Variants in BRWD1 observed in about 807,000 individuals in gnomAD.
BRWD1 encodes bromodomain and WD repeat-containing protein 1.
A neutral mutation model predicts 251.2 loss-of-function variants in BRWD1; 82 were observed. The ratio of observed to expected loss-of-function variants is 0.33; its 90% CI spans 0.27 to 0.39. The LOEUF (loss-of-function observed/expected upper bound fraction) is 0.39, where lower values mean the gene tolerates loss of function less well. Ranked by LOEUF, BRWD1 falls within the 10% of genes least tolerant of loss-of-function variation. The pLI is 1.00. For missense variants in BRWD1, 2,233 were observed against 2,711.6 expected (o/e 0.82, Z 3.92); for synonymous variants, 918 against 902.8 (o/e 1.02, Z -0.30).
chr21:39,208,988 A>AG (rs958630485), intron 36 of BRWD1, among the ~76,000 whole-genome samples: 5 of 151,840 alleles, frequency 3.3e-5, no homozygotes, highest in Admixed American at 1.3e-4. Context: ...CAAAAAAAAA[A>AG]AAAGAAAGAA....
chr21:39,249,919 T>G (rs1215372489), intron 20 of BRWD1, among the ~76,000 whole-genome samples: 3 of 23,220 alleles, frequency 1.3e-4, no homozygotes, highest in African/African-American at 3.0e-4. Flanking sequence ...AAGGGGGGTG[T>G]GTGTGTGTGT....
intron 4 of BRWD1, among the ~76,000 whole-genome samples, chr21:39,308,530 C>A (rs1441266590): frequency 3.3e-5 from 5 of 149,938 alleles, no homozygotes; most frequent in Non-Finnish European, 7.4e-5. Flanking sequence ...CTCTTGCCCC[C>A]AAATACAGGT....
chr21:39,245,719 C>T (rs1310731605), intron 21 of BRWD1, among the ~76,000 whole-genome samples: 1 of 151,944 alleles, frequency 6.6e-6, no homozygotes, highest in African/African-American at 2.4e-5. Context: ...CCTGCCTCAG[C>T]CTCCCAAATA....
At chr21:39,269,634 T>C (rs2035039175) in intron 15 of BRWD1, among the ~76,000 whole-genome samples, 2 of 152,216 alleles carry the variant, frequency 1.3e-5, no homozygotes, top group South Asian at 4.1e-4. Context: ...ACAATTGCCA[T>C]ACTTTTACCA....
chr21:39,193,502 G>A lies in BRWD1; in HGVS notation c.*2757C>T, dbSNP rs1459042334. On this transcript the variant is annotated 3_prime_UTR_variant, in exon 41 of 41. Transcript: ENST00000342449. ...ATTTTTCCTTTATATGCTTGGTAAAGTGAGTCTTTCCAAGAAAGCAAAAAT... is the reference window on the plus strand; with the variant it reads ...ATTTTTCCTTTATATGCTTGGTAAAATGAGTCTTTCCAAGAAAGCAAAAAT... 1 of 985,108 alleles carries A rather than the reference G, an allele frequency of 1.0e-6. No homozygotes were observed. The highest frequency in any genetic ancestry group is 1.7e-5 in the African/African-American group (1 of 57,178). 61.0% of individuals were successfully genotyped at this position (985,108 alleles called of 1,614,324 possible). A position where few individuals can be genotyped will look rare whatever the true frequency, so the allele number is the denominator to read the frequency against.
At chr21:39,287,218 C>T (rs1423907976) in intron 8 of BRWD1, among the ~76,000 whole-genome samples, 1 of 152,138 alleles carries the variant, frequency 6.6e-6, no homozygotes, top group African/African-American at 2.4e-5. Flanking sequence ...TTTTTCTCTC[C>T]TAAATCTAGA....
In BRWD1 at chr21:39,190,226, TAG is replaced by T; in HGVS notation, c.*6031_*6032del. 2 of 947,576 alleles carry T rather than the reference TAG, an allele frequency of 2.1e-6. No homozygotes were observed. The highest frequency in any genetic ancestry group is 1.2e-6 in the Non-Finnish European group (1 of 814,420). The allele number at this position is 947,576 out of a possible 1,614,324, so 58.7% of individuals were successfully genotyped here. On this transcript the variant is annotated 3_prime_UTR_variant, in exon 41 of 41. Transcript: ENST00000342449. Reference sequence around the variant, plus strand: ...TTTCAAGGATTAATCATATTCTAATTAGACTTTTTTTTAATTTTTAAGCTACC... The same window carrying T: ...TTTCAAGGATTAATCATATTCTAATTACTTTTTTTTAATTTTTAAGCTACC...
chr21:39,193,266 T>C lies in BRWD1; in HGVS notation c.*2993A>G, dbSNP rs2031647796. 1 of 985,036 alleles carries C rather than the reference T, an allele frequency of 1.0e-6. No homozygotes were observed. The allele number at this position is 985,036 out of a possible 1,614,324, so 61.0% of individuals were successfully genotyped here. ...GCTGTGAGTAACTGCTATATCATTGTTTCCAAGGATTAATAAACTGAGAAA... is the reference window on the plus strand; with the variant it reads ...GCTGTGAGTAACTGCTATATCATTGCTTCCAAGGATTAATAAACTGAGAAA... On this transcript the variant is annotated 3_prime_UTR_variant, in exon 41 of 41. Coordinates refer to ENST00000342449, the MANE Select transcript of BRWD1 (RefSeq NM_033656.4).
intron 16 of BRWD1, 39 bp from the exon 17 acceptor site, chr21:39,264,724 C>T (rs780702885): frequency 2.0e-6 from 3 of 1,521,440 alleles, no homozygotes; most frequent in Middle Eastern, 2.1e-4. Context: ...TTTTAAGGTT[C>T]ACACATTTTA....
rs1051154110 is a variant in BRWD1 at position 39,218,326 on chromosome 21, G to A, written c.3539-54C>T. 5 of 1,548,150 alleles carry A rather than the reference G, an allele frequency of 3.2e-6. No homozygotes were observed. The African/African-American group carries it at 4.2e-5, about 13-fold the overall frequency. ...TCAATAAATCCATTGCCTCTAAGTGGTACTTCTCTAGAAATCATTCATAAG... is the reference window on the plus strand; with the variant it reads ...TCAATAAATCCATTGCCTCTAAGTGATACTTCTCTAGAAATCATTCATAAG... On this transcript the variant is annotated intron_variant, in intron 30 of 40. Coordinates refer to ENST00000342449, the MANE Select transcript of BRWD1 (RefSeq NM_033656.4).
At chr21:39,285,240 CTG>C (rs2035595440) in intron 8 of BRWD1, among the ~76,000 whole-genome samples, 1 of 152,184 alleles carries the variant, frequency 6.6e-6, no homozygotes, top group Non-Finnish European at 1.5e-5. Flanking sequence ...AAGGCAAACA[CTG>C]TGTAATTTCA....
intron 28 of BRWD1, among the ~76,000 whole-genome samples, 182 bp downstream of exon 28, chr21:39,224,904 G>T (rs1439762483): frequency 1.3e-5 from 2 of 152,124 alleles, no homozygotes; most frequent in Non-Finnish European, 2.9e-5. Flanking sequence ...TGAACCAAGG[G>T]GAGTACTGGT....
chr21:39,312,803 C>G, intron 4 of BRWD1, 38 bp downstream of exon 4: 1 of 1,532,304 alleles, frequency 6.5e-7, no homozygotes, highest in Non-Finnish European at 8.9e-7. Context: ...GGGGGCGGTG[C>G]ACGGAAAACC....
chr21:39,313,389 A>G (rs1321234649), intron 1 of BRWD1, 54 bp downstream of exon 1: 151 of 1,422,242 alleles, frequency 1.1e-4, no homozygotes, highest in East Asian at 8.6e-4. Flanking sequence ...GGAGCCGGGG[A>G]AGCCGAAGCA....
Position 39,196,828 on chromosome 21 carries a change from C to T in BRWD1, c.6241G>A (p.Ala2081Thr), listed in dbSNP as rs771549571. The change falls in exon 41 of 41, where the codon GCA becomes ACA. Residue 2081 changes from alanine (A) to threonine (T), a missense_variant. Physicochemically the swap from Ala to Thr is moderately conservative, Grantham distance 58 (BLOSUM62 0). Transcript: ENST00000342449. ...SESTLAQKATAENNFEVELNY... is the reference protein window; with the variant it reads ...SESTLAQKATTENNFEVELNY... Reference sequence around the variant, plus strand: ...AGTTCCACTTCAAAATTATTCTCTGCAGTAGCTTTTTGTGCCAAGGTTGAC... The same window carrying T: ...AGTTCCACTTCAAAATTATTCTCTGTAGTAGCTTTTTGTGCCAAGGTTGAC... The T allele has an allele frequency of 2.5e-6, 4 of 1,613,542 alleles. No homozygotes were observed. The highest frequency in any genetic ancestry group is 2.5e-6 in the Non-Finnish European group (3 of 1,179,942).
chr21:39,196,787 G>A lies in BRWD1; in HGVS notation c.6282C>T (p.Arg2094=), dbSNP rs535187819. The change falls in exon 41 of 41, where the codon CGC becomes CGT. Residue 2094 remains arginine (R), a synonymous_variant. Transcript: ENST00000342449. ...TCCTGAGTCTTCTGCCATTCCACCT[G>A]CGCAGCCCATAATTCAGTTCCACTT... ...NFEVELNYGL[R]RWNGRRLRTY... is the part of the protein sequence containing the mutation. 1.4e-4 allele frequency: 223 copies of A among 1,612,952 alleles called. No individual in the cohort carries two copies. Among genetic ancestry groups the A allele is most frequent in the Non-Finnish European group, 1.9e-4 (223 of 1,179,896 alleles).
upstream of BRWD1, chr21:39,317,354 A>G (rs765452546): frequency 3.3e-5 from 5 of 152,260 alleles, no homozygotes; most frequent in Non-Finnish European, 7.3e-5. Flanking sequence ...AAATCTTAAC[A>G]GTGGGTGACA....
In BRWD1 at chr21:39,191,284, C is replaced by G; in HGVS notation, c.*4975G>C. Reference sequence around the variant, plus strand: ...GCTCATATGTAAAACTCACAGCGCTCGCACCCCTATATTCTGCCTGCATGA... The same window carrying G: ...GCTCATATGTAAAACTCACAGCGCTGGCACCCCTATATTCTGCCTGCATGA... On this transcript the variant is annotated 3_prime_UTR_variant, in exon 41 of 41. Coordinates refer to ENST00000342449, the MANE Select transcript of BRWD1 (RefSeq NM_033656.4). 1 of 985,228 alleles carries G rather than the reference C, an allele frequency of 1.0e-6. No homozygotes were observed. Among genetic ancestry groups the G allele is most frequent in the East Asian group, 1.1e-4 (1 of 8,796 alleles). The allele number at this position is 985,228 out of a possible 1,614,324, so 61.0% of individuals were successfully genotyped here.
intron 20 of BRWD1, among the ~76,000 whole-genome samples, chr21:39,249,542 C>T (rs2034319951): frequency 6.6e-6 from 1 of 152,146 alleles, no homozygotes; most frequent in African/African-American, 2.4e-5. Context: ...AAAAGGCATG[C>T]CATTCCCCAA....
Sources: allele counts gnomAD v4.1 joint callset (sites outside exome capture counted in the v4.1 genomes callset), GRCh38; gene constraint gnomAD v4.1.1; transcripts MANE v1.5; gene names NCBI Gene and HGNC (gene_info 2026-07-23, HGNC 2026-07-21).